DHRS7B: variants seen among roughly 807,000 people sequenced by gnomAD.
The protein encoded by DHRS7B is dehydrogenase/reductase 7B, also known as peroxisomal reductase activating PPAR-gamma.
A neutral mutation model predicts 26.4 loss-of-function variants in DHRS7B; 24 were observed. That is an observed-to-expected ratio of 0.91 (90% confidence interval 0.66 to 1.28). The LOEUF is 1.28. DHRS7B is among the 50% of genes most tolerant of loss of function. The pLI is 0.00. For synonymous variants in DHRS7B, 142 were observed against 166.4 expected (o/e 0.85, Z 1.13); for missense variants, 368 against 419.4 (o/e 0.88, Z 1.07).
chr17:21,172,102 C>T lies in DHRS7B; in HGVS notation c.105C>T (p.Phe35=), dbSNP rs181347227. The stretch of plus-strand genomic sequence containing the variant: ...TGCTGTTCGGCTGCCTGGGCGTCTT[C>T]GGCCTCTTCCGGCTGCTGCAGTGGG... The part of the protein sequence containing the change: ...LPLLFGCLGV[F]GLFRLLQWVR... The change falls in exon 2 of 7, where the codon TTC becomes TTT. Residue 35 remains phenylalanine, a synonymous_variant. Transcript: ENST00000395511. The T allele has an allele frequency of 1.8e-5, 29 of 1,614,152 alleles. No homozygotes were observed. The highest frequency in any genetic ancestry group is 1.7e-4 in the Middle Eastern group (1 of 6,060).
intron 1 of DHRS7B, among the ~76,000 whole-genome samples, chr17:21,144,192 A>G (rs1239785971): frequency 6.6e-6 from 1 of 152,234 alleles, no homozygotes; most frequent in African/African-American, 2.4e-5. Flanking sequence ...AGCAGACTCC[A>G]TTCAACATGT....
intron 5 of DHRS7B, 40 bp downstream of exon 5, chr17:21,184,503 G>A (rs981480145): frequency 5.8e-6 from 9 of 1,552,588 alleles, no homozygotes; most frequent in Non-Finnish European, 7.9e-6. Context: ...TGGCTTTATT[G>A]TTTTTTCCTG....
At position 21,182,791 on chromosome 17, in the gene DHRS7B, C is replaced by T. The variant is rs186762911; in HGVS notation, c.310-803C>T. Among the ~76,000 whole-genome samples the T allele has an allele frequency of 9.6e-4, 146 of 152,228 alleles. 1 individual carries two copies. The highest frequency in any genetic ancestry group is 3.2e-3 in the African/African-American group (132 of 41,538). ...TTTTAATACGCTGTTAAATTCAATT[C>T]GCTGGTATTTTGTTGAAGATTTTTG... On this transcript the variant is annotated intron_variant, in intron 3 of 6. Transcript: ENST00000395511.
At chr17:21,143,623 A>G (rs920511706) in intron 1 of DHRS7B, among the ~76,000 whole-genome samples, 12 of 152,118 alleles carry the variant, frequency 7.9e-5, no homozygotes, top group African/African-American at 2.7e-4. Context: ...TCAATTGTCA[A>G]GTATTTACAG....
intron 1 of DHRS7B, chr17:21,166,529 A>G (rs915088177): frequency 1.1e-6 from 1 of 882,348 alleles, no homozygotes; most frequent in African/African-American, 2.5e-5. Flanking sequence ...GGCTTCTCAG[A>G]CATTTGAGAC....
chr17:21,140,481 C>CACACACACACAT (rs1567616869), intron 1 of DHRS7B, among the ~76,000 whole-genome samples: 1 of 68,468 alleles, frequency 1.5e-5, no homozygotes, highest in Non-Finnish European at 3.3e-5. Context: ...CTTTTAAATA[C>CACACACACACAT]ACACACACAC....
chr17:21,178,325 G>T lies in DHRS7B; in HGVS notation c.292G>T (p.Ala98Ser). 8 of 1,613,958 alleles carry T rather than the reference G, an allele frequency of 5.0e-6. No individual in the cohort carries two copies. The highest frequency in any genetic ancestry group is 5.9e-6 in the Non-Finnish European group (7 of 1,179,986). Residue 98 changes from alanine (A) to serine (S), a missense_variant, in exon 3 of 7, where the codon GCT (alanine) becomes TCT (serine). Transcript: ENST00000395511. Reference sequence around the variant, plus strand: ...AGAAGAGCTCATCAGAGAACTCACCGCTTCTCATGCCACCAAGGTGAGCCA... The same window carrying T: ...AGAAGAGCTCATCAGAGAACTCACCTCTTCTCATGCCACCAAGGTGAGCCA... ...ALEELIRELTASHATKVQTHK... is the reference protein window; with the variant it reads ...ALEELIRELTSSHATKVQTHK...
At chr17:21,182,559 T>C (rs1974537768) in intron 3 of DHRS7B, among the ~76,000 whole-genome samples, 1 of 152,178 alleles carries the variant, frequency 6.6e-6, no homozygotes, top group Non-Finnish European at 1.5e-5. Flanking sequence ...AATTTTCTTT[T>C]TTTTAATTTA....
At chr17:21,182,133 A>G (rs1974526523) in intron 3 of DHRS7B, among the ~76,000 whole-genome samples, 1 of 152,164 alleles carries the variant, frequency 6.6e-6, no homozygotes, top group Non-Finnish European at 1.5e-5. Context: ...GAGTATGTTT[A>G]CCATGAAAGG....
chr17:21,180,583 C>T (rs1408702400), intron 3 of DHRS7B, among the ~76,000 whole-genome samples: 4 of 152,088 alleles, frequency 2.6e-5, no homozygotes, highest in African/African-American at 9.7e-5. Context: ...TGTCTAGGTT[C>T]CTTGTGCCAT....
chr17:21,179,262 C>G (rs1974458896), intron 3 of DHRS7B, among the ~76,000 whole-genome samples: 1 of 152,130 alleles, frequency 6.6e-6, no homozygotes, highest in Non-Finnish European at 1.5e-5. Flanking sequence ...TGTTGAGCAT[C>G]TTTTCATGTG....
intron 1 of DHRS7B, among the ~76,000 whole-genome samples, chr17:21,151,597 A>G (rs1262446857): frequency 6.6e-6 from 1 of 152,086 alleles, no homozygotes; most frequent in Non-Finnish European, 1.5e-5. Flanking sequence ...TCTTTGATAC[A>G]TCAGAGACAT....
chr17:21,153,385 A>G (rs1456166936), intron 1 of DHRS7B, among the ~76,000 whole-genome samples: 1 of 152,230 alleles, frequency 6.6e-6, no homozygotes, highest in Non-Finnish European at 1.5e-5. Context: ...CAGGAACAAA[A>G]TATCCAAGAA....
At chr17:21,186,275 C>T (rs1464583400) in intron 5 of DHRS7B, among the ~76,000 whole-genome samples, 2 of 152,252 alleles carry the variant, frequency 1.3e-5, no homozygotes, top group Non-Finnish European at 2.9e-5. Flanking sequence ...CTGGGCCTCA[C>T]ACTGGCAGGG....
intron 1 of DHRS7B, among the ~76,000 whole-genome samples, chr17:21,140,842 A>G (rs1207593990): frequency 6.6e-6 from 1 of 152,168 alleles, no homozygotes; most frequent in Non-Finnish European, 1.5e-5. Context: ...AATGCTCAAA[A>G]GGGGTCATTC....
chr17:21,129,704 CAA>C (rs61077377), intron 1 of DHRS7B, among the ~76,000 whole-genome samples: 7 of 74,760 alleles, frequency 9.4e-5, no homozygotes, highest in East Asian at 4.3e-4. Context: ...GACCCTGACT[CAA>C]AAAAAAAAAA....
At chr17:21,170,467 A>G (rs1260150268) in intron 1 of DHRS7B, among the ~76,000 whole-genome samples, 2 of 152,194 alleles carry the variant, frequency 1.3e-5, no homozygotes, top group African/African-American at 4.8e-5. Context: ...AGTTCATACA[A>G]TGGAGGCTTG....
intron 1 of DHRS7B, among the ~76,000 whole-genome samples, chr17:21,147,383 T>C (rs569643824): frequency 4.6e-4 from 70 of 152,272 alleles, no homozygotes; most frequent in African/African-American, 1.7e-3. Context: ...TTTGGACTAC[T>C]TCTGGTTCCA....
chr17:21,140,022 CTTTTTTTT>C (rs201900387), intron 1 of DHRS7B, among the ~76,000 whole-genome samples: 4 of 106,696 alleles, frequency 3.7e-5, no homozygotes, highest in Non-Finnish European at 7.3e-5. Context: ...CTTTCAGATT[CTTTTTTTT>C]TTTTTTTTTT....
Sources: allele counts gnomAD v4.1 joint callset (sites outside exome capture counted in the v4.1 genomes callset), GRCh38; gene constraint gnomAD v4.1.1; transcripts MANE v1.5; gene names NCBI Gene and HGNC (gene_info 2026-07-23, HGNC 2026-07-21).